The following CBR4 variants were observed in gnomAD, a reference collection of about 807,000 sequenced individuals.
The protein encoded by CBR4 is carbonyl reductase 4.
In CBR4, 22 loss-of-function variants were observed where a neutral mutation model predicts 21.0. The observed-to-expected ratio is 1.05, with a 90% confidence interval of 0.75 to 1.50. CBR4 has a LOEUF of 1.50. Ranked by LOEUF, CBR4 falls within the 40% of genes most tolerant of loss-of-function variation. The probability of loss-of-function intolerance (pLI) is 0.00; values close to 1 mark genes in which losing one functional copy is unlikely to be tolerated. For missense variants in CBR4, 302 were observed against 286.3 expected, an observed-to-expected ratio of 1.05 and a Z score of -0.40; for synonymous variants, 100 against 104.4, an observed-to-expected ratio of 0.96 and a Z score of 0.26.
chr4:168,994,376 T>C (rs1765078634), intron 4 of CBR4, among the ~76,000 whole-genome samples: 3 of 152,138 alleles, frequency 2.0e-5, no homozygotes, highest in African/African-American at 7.2e-5. Context: ...AACTTCAGCA[T>C]GGGTGTCATG....
At chr4:169,007,209 T>C (rs1286896168) in intron 2 of CBR4, among the ~76,000 whole-genome samples, 2 of 152,220 alleles carry the variant, frequency 1.3e-5, no homozygotes, top group Non-Finnish European at 2.9e-5. Flanking sequence ...CTAAGCCTTG[T>C]TTAGCAAGAA....
In CBR4 at chr4:168,988,263, G is replaced by C. The variant is rs1764760569; in HGVS notation, c.*1887C>G. ...CTCTCCATATATTCCACCAGTTTGA[G>C]ATAGGCTGGGGGAGGAGGTGGAATA... is the stretch of plus-strand genomic sequence containing the variant. On this transcript the variant is annotated 3_prime_UTR_variant, in exon 5 of 5. Transcript: ENST00000306193. 1 of 985,236 alleles carries C rather than the reference G, an allele frequency of 1.0e-6. No individual in the cohort carries two copies. Among genetic ancestry groups the C allele is most frequent in the Non-Finnish European group, 1.2e-6 (1 of 829,878 alleles). The allele number at this position is 985,236 out of a possible 1,614,324, so 61.0% of individuals were successfully genotyped here.
At chr4:168,985,435 C>T (rs1025545106), downstream of CBR4, among the ~76,000 whole-genome samples, 1 of 152,144 alleles carries the variant, frequency 6.6e-6, no homozygotes, top group African/African-American at 2.4e-5. Flanking sequence ...TTATACACTG[C>T]TGGTGGAATA....
intron 4 of CBR4, 67 bp from the exon 5 acceptor site, chr4:168,990,395 A>T: frequency 7.6e-7 from 1 of 1,317,850 alleles, no homozygotes; most frequent in East Asian, 2.9e-5. Flanking sequence ...TTTCAAAAAA[A>T]ATAATAAATT....
At chr4:168,981,961 A>G (rs936701009) in intron 2 of CBR4, among the ~76,000 whole-genome samples, 1 of 152,184 alleles carries the variant, frequency 6.6e-6, no homozygotes, top group Non-Finnish European at 1.5e-5. Context: ...ACAAAAACAC[A>G]CTCAAGTACA....
chr4:168,910,147 G>A (rs1758613278), intron 2 of CBR4, among the ~76,000 whole-genome samples: 1 of 151,476 alleles, frequency 6.6e-6, no homozygotes, highest in Admixed American at 6.6e-5. Context: ...ATGGTTCTAA[G>A]CAGTAGCAGC....
rs374250410 is a variant in CBR4, at chr4:168,894,611, A to G, written n.324T>C. The G allele has an allele frequency of 2.5e-6, 4 of 1,613,430 alleles. No individual in the cohort carries two copies. The highest frequency in any genetic ancestry group is 2.2e-5 in the South Asian group (2 of 91,042). On this transcript the variant is annotated non_coding_transcript_exon_variant, in exon 3 of 4. Coordinates refer to the CBR4 transcript ENST00000509108. ...CATACGAAGAAAGAATGGCTCGTCG[A>G]CTGCTAGGTGCTGACAGTGCAACTG...
In CBR4 at chr4:168,979,927, T is replaced by C. The variant is rs113435286; in HGVS notation, n.169+22144A>G. Among the ~76,000 whole-genome samples, 146 of 152,236 alleles carry C rather than the reference T, an allele frequency of 9.6e-4. 1 individual carries two copies. The highest frequency in any genetic ancestry group is 3.4e-3 in the African/African-American group (141 of 41,554). On this transcript the variant is annotated intron_variant and non_coding_transcript_variant, in intron 2 of 3. Coordinates refer to the CBR4 transcript ENST00000509108. ...ACTCTCACCTCCAGCATGCAGCAGC[T>C]GCCCTATGAAGAGGCTAGTCTGTCT...
chr4:168,926,545 A>C (rs1267502406), intron 2 of CBR4: 2 of 575,354 alleles, frequency 3.5e-6, no homozygotes, highest in Non-Finnish European at 6.0e-6. Context: ...TACCAAACTT[A>C]GTTTAAGTAG....
chr4:168,987,084 G>C (rs1764716443), downstream of CBR4, among the ~76,000 whole-genome samples: 1 of 152,172 alleles, frequency 6.6e-6, no homozygotes, highest in Admixed American at 6.6e-5. Flanking sequence ...AAAATATTCT[G>C]CAGGTAATAC....
rs746599370 is a variant in CBR4 at position 168,925,087 on chromosome 4, C to G, written n.170-30322G>C. ...CAGGCTGGACGTTTACAGTGAGTGCCACTTCATCTCATTTCATTGCGTTTA... is the reference window on the plus strand; with the variant it reads ...CAGGCTGGACGTTTACAGTGAGTGCGACTTCATCTCATTTCATTGCGTTTA... On this transcript the variant is annotated intron_variant and non_coding_transcript_variant, in intron 2 of 3. Transcript: ENST00000509108. 6.8e-6 allele frequency: 11 copies of G among 1,613,630 alleles called. No homozygotes were observed. In the African/African-American group the frequency reaches 1.1e-4, roughly 16 times the overall value.
chr4:168,933,213 G>A (rs984235819), intron 2 of CBR4, among the ~76,000 whole-genome samples: 4 of 152,008 alleles, frequency 2.6e-5, no homozygotes, highest in Non-Finnish European at 4.4e-5. Flanking sequence ...ATTAAAAGAC[G>A]TTGAATGAAT....
intron 2 of CBR4, among the ~76,000 whole-genome samples, chr4:168,964,015 C>A (rs1350372566): frequency 6.6e-6 from 1 of 151,930 alleles, no homozygotes; most frequent in Non-Finnish European, 1.5e-5. Flanking sequence ...ATGCAACTGA[C>A]AGGAAATATA....
In CBR4 at chr4:168,951,857, C is replaced by T. The variant is rs556482573; in HGVS notation, n.169+50214G>A. On this transcript the variant is annotated intron_variant and non_coding_transcript_variant, in intron 2 of 3. Coordinates refer to the CBR4 transcript ENST00000509108. Reference sequence around the variant, plus strand: ...TCGTAGCTCTTAAGATTCTTTCCTTCGTCTTAACTTTAGATAACCTGATGA... The same window carrying T: ...TCGTAGCTCTTAAGATTCTTTCCTTTGTCTTAACTTTAGATAACCTGATGA... Among the ~76,000 whole-genome samples, 98 of 152,254 alleles carry T rather than the reference C, an allele frequency of 6.4e-4. 1 individual carries two copies. The highest frequency in any genetic ancestry group is 1.5e-3 in the Admixed American group (23 of 15,294).
At chr4:168,933,901 C>T (rs1231207805) in intron 2 of CBR4, among the ~76,000 whole-genome samples, 4 of 152,138 alleles carry the variant, frequency 2.6e-5, no homozygotes, top group African/African-American at 9.7e-5. Flanking sequence ...AAACAACATG[C>T]TCCTGACTGA....
In CBR4 at chr4:168,896,722, T is replaced by G. The variant is rs115351152; in HGVS notation, n.170-1957A>C. On this transcript the variant is annotated intron_variant and non_coding_transcript_variant, in intron 2 of 3. Transcript: ENST00000509108. ...TATTAATTATAAATGCTATGACCAGTGTCTGTTTCATTTAATATCAGATAC... is the reference window on the plus strand; with the variant it reads ...TATTAATTATAAATGCTATGACCAGGGTCTGTTTCATTTAATATCAGATAC... The G allele has an allele frequency of 1.5e-3, 960 of 640,222 alleles. 12 individuals carry two copies. The African/African-American group carries it at 0.016, about 11-fold the overall frequency. 39.7% of individuals were successfully genotyped at this position (640,222 alleles called of 1,614,324 possible).
At chr4:168,957,967 TCC>T (rs895470699) in intron 2 of CBR4, among the ~76,000 whole-genome samples, 15 of 152,136 alleles carry the variant, frequency 9.9e-5, no homozygotes, top group African/African-American at 3.4e-4. Flanking sequence ...TTGCCATGCT[TCC>T]CCTCTGTAAG....
At chr4:168,914,861 A>T (rs1582143185) in intron 2 of CBR4, among the ~76,000 whole-genome samples, 1 of 152,338 alleles carries the variant, frequency 6.6e-6, no homozygotes, top group East Asian at 1.9e-4. Flanking sequence ...ATCCACACAG[A>T]CTTTTGTTCA....
intron 2 of CBR4, among the ~76,000 whole-genome samples, chr4:168,936,804 G>A (rs904169501): frequency 4.6e-5 from 7 of 152,112 alleles, no homozygotes; most frequent in African/African-American, 7.2e-5. Flanking sequence ...CCAAACCTAC[G>A]TTTGACTAGT....
Sources: gnomAD v4.1 joint callset for allele counts (sites outside exome capture counted in the v4.1 genomes callset) on GRCh38, gnomAD v4.1.1 for gene constraint, MANE v1.5 for transcripts, NCBI Gene and HGNC (gene_info 2026-07-23, HGNC 2026-07-21) for gene names.